FLNB: variants seen among roughly 807,000 people sequenced by gnomAD.
FLNB encodes filamin-B.
Under a neutral mutation model 250.6 loss-of-function variants are expected in FLNB, and 111 were observed. The observed-to-expected ratio is 0.44, with a 90% CI of 0.38 to 0.52. The LOEUF (loss-of-function observed/expected upper bound fraction) is 0.52, where lower values mean the gene tolerates loss of function less well. FLNB is among the 20% of genes least tolerant of loss of function. The pLI, the probability that FLNB is intolerant of heterozygous loss-of-function variation, is 0.00. For synonymous variants in FLNB, 1,302 were observed against 1,372.1 expected (o/e 0.95, Z 1.13); for missense variants, 2,869 against 3,447.8 (o/e 0.83, Z 4.20).
intron 4 of FLNB, among the ~76,000 whole-genome samples, chr3:58,089,347 C>G (rs1332754927): frequency 1.3e-5 from 2 of 152,004 alleles, no homozygotes; most frequent in South Asian, 4.1e-4. Context: ...GAATTCGATA[C>G]CAGCCTGACC....
At chr3:58,058,442 T>C (rs193284263) in intron 1 of FLNB, among the ~76,000 whole-genome samples, 76 of 145,630 alleles carry the variant, frequency 5.2e-4, no homozygotes, top group Admixed American at 9.3e-4. Flanking sequence ...ACAGACAACA[T>C]ATTGCTCTAA....
chr3:58,112,995 T>C (rs1352386787), intron 18 of FLNB, among the ~76,000 whole-genome samples: 1 of 152,230 alleles, frequency 6.6e-6, no homozygotes, highest in Admixed American at 6.5e-5. Context: ...TACAAGTTAA[T>C]GTTTATTTGT....
rs779336330 is a variant in FLNB, at chr3:58,098,899, G to T, written c.1336G>T (p.Val446Phe). 6.2e-7 allele frequency: 1 copy of T among 1,613,748 alleles called. No homozygotes were observed. The highest frequency in any genetic ancestry group is 1.7e-5 in the Admixed American group (1 of 60,000). The part of the protein sequence containing the change: ...TIPKSPFVVQ[V>F]GEACNPNACR... Reference sequence around the variant, plus strand: ...TCCTAAGAGTCCCTTCGTTGTGCAGGTTGGGGAAGGTGAGTGCTGGGCTGC... The same window carrying T: ...TCCTAAGAGTCCCTTCGTTGTGCAGTTTGGGGAAGGTGAGTGCTGGGCTGC... Residue 446 changes from valine (V) to phenylalanine (F), a missense_variant, in exon 8 of 46, where the codon GTT (valine) becomes TTT (phenylalanine). By Grantham distance (50) the Val-to-Phe change is conservative. Around this residue, in one of 5 missense-constraint regions of FLNB, gnomAD observed 1,348 missense variants for 1,466.7 expected, o/e 0.92. Transcript: ENST00000295956.
intron 43 of FLNB, chr3:58,163,722 A>G (rs1221376359): frequency 1.6e-5 from 4 of 246,738 alleles, no homozygotes; most frequent in Non-Finnish European, 3.2e-5. Context: ...CTGTTCTTTC[A>G]TGGTACCAGG....
intron 1 of FLNB, among the ~76,000 whole-genome samples, chr3:58,074,397 A>C (rs2097198814): frequency 6.6e-6 from 1 of 152,164 alleles, no homozygotes; most frequent in African/African-American, 2.4e-5. Context: ...AATACTGAGA[A>C]ATGAGCTGGG....
At chr3:58,134,826 G>T in intron 27 of FLNB, 54 bp downstream of exon 27, 1 of 1,541,612 alleles carries the variant, frequency 6.5e-7, no homozygotes, top group South Asian at 1.1e-5. Context: ...TTAATTTCTG[G>T]GCCAGATTTA....
intron 10 of FLNB, 113 bp downstream of exon 10, chr3:58,104,198 C>A: frequency 1.5e-4 from 103 of 666,318 alleles, no homozygotes; most frequent in Non-Finnish European, 2.2e-4. Flanking sequence ...TTGTTGAAAA[C>A]TTTTTTTTTT....
Position 58,149,917 on chromosome 3 carries a change from AG to A in FLNB, c.6160del (p.Asp2054MetfsTer34). On this transcript the variant is annotated frameshift_variant, in exon 37 of 46. Coordinates refer to ENST00000295956, the MANE Select transcript of FLNB (RefSeq NM_001457.4). LOFTEE classifies it high-confidence loss of function. ...TGGACATCCAGACGGAGGACCTGGAAGATGGCACCTGCAAAGTCTCCTACTT... is the reference window on the plus strand; with the variant it reads ...TGGACATCCAGACGGAGGACCTGGAAATGGCACCTGCAAAGTCTCCTACTT... ...KVDIQTEDLE[D>X]GTCKVSYFPT... 1 of 1,614,270 alleles carries A rather than the reference AG, an allele frequency of 6.2e-7. No individual in the cohort carries two copies. The highest frequency in any genetic ancestry group is 8.5e-7 in the Non-Finnish European group (1 of 1,180,048).
chr3:58,055,333 G>A (rs992697866), intron 1 of FLNB, among the ~76,000 whole-genome samples: 1 of 152,074 alleles, frequency 6.6e-6, no homozygotes, highest in African/African-American at 2.4e-5. Flanking sequence ...TAGATGGTAG[G>A]GTACGGTAGA....
chr3:58,097,157 C>T (rs546080874), intron 6 of FLNB, among the ~76,000 whole-genome samples: 1 of 152,318 alleles, frequency 6.6e-6, no homozygotes, highest in South Asian at 2.1e-4. Flanking sequence ...GGAATACAGA[C>T]TGTACTCACC....
intron 38 of FLNB, chr3:58,152,655 T>A (rs1189220284): frequency 3.2e-5 from 26 of 815,322 alleles, no homozygotes; most frequent in Non-Finnish European, 4.3e-5. Flanking sequence ...AAACATTCAG[T>A]TCATTACATG....
At chr3:58,070,575 G>C (rs2097192744) in intron 1 of FLNB, among the ~76,000 whole-genome samples, 1 of 151,928 alleles carries the variant, frequency 6.6e-6, no homozygotes. Context: ...ATGGCATCCT[G>C]TTCCCCAGAT....
At chr3:58,029,952 G>A (rs1258513466) in intron 1 of FLNB, among the ~76,000 whole-genome samples, 1 of 152,142 alleles carries the variant, frequency 6.6e-6, no homozygotes, top group Non-Finnish European at 1.5e-5. Context: ...TGAAACAGTG[G>A]GTGTGAAGAT....
intron 38 of FLNB, among the ~76,000 whole-genome samples, chr3:58,151,569 G>A (rs746272119): frequency 1.3e-5 from 2 of 152,086 alleles, no homozygotes; most frequent in Non-Finnish European, 2.9e-5. Flanking sequence ...TCACTTTCCA[G>A]TCACATTGGT....
chr3:58,111,456 T>C (rs1041558429), intron 16 of FLNB, among the ~76,000 whole-genome samples: 2 of 152,138 alleles, frequency 1.3e-5, no homozygotes, highest in Non-Finnish European at 2.9e-5. Flanking sequence ...GACATTTCCT[T>C]CCCCCAGCCC....
Position 58,016,435 on chromosome 3 carries a change from A to G in FLNB, c.292+7579A>G, listed in dbSNP as rs115667577. ...CTCACCTGTTGCTCCAGTCATTCCT[A>G]TTAGCAGAAAGTTTTGTATGTGCCC... On this transcript the variant is annotated intron_variant, in intron 1 of 45. Transcript: ENST00000295956. Among the ~76,000 whole-genome samples, 622 of 144,936 alleles carry G rather than the reference A, an allele frequency of 4.3e-3. 4 individuals are homozygous for G. Among genetic ancestry groups the G allele is most frequent in the African/African-American group, 0.014 (588 of 40,702 alleles).
intron 1 of FLNB, among the ~76,000 whole-genome samples, chr3:58,068,254 A>G (rs1304615296): frequency 6.6e-6 from 1 of 152,266 alleles, no homozygotes; most frequent in African/African-American, 2.4e-5. Flanking sequence ...GGCATCAGTT[A>G]TCAGGGCCTT....
At chr3:58,048,025 C>A (rs1421398004) in intron 1 of FLNB, among the ~76,000 whole-genome samples, 2 of 152,152 alleles carry the variant, frequency 1.3e-5, no homozygotes, top group Non-Finnish European at 2.9e-5. Flanking sequence ...TCACTGCATA[C>A]CCAAGAGGTT....
chr3:58,132,828 G>T lies in FLNB; in HGVS notation c.4411G>T (p.Val1471Leu), dbSNP rs12632456. 4.3e-6 allele frequency: 7 copies of T among 1,613,842 alleles called. No individual in the cohort carries two copies. Among genetic ancestry groups the T allele is most frequent in the Admixed American group, 1.7e-5 (1 of 59,998 alleles). ...GPRGLVEPVN[V>L]VDNGDGTHTV... ...CTCAGGCTTGGTGGAGCCAGTGAAC[G>T]TGGTGGACAATGGAGATGGCACACA... is the stretch of plus-strand genomic sequence containing the variant. Residue 1471 changes from valine to leucine, a missense_variant, in exon 26 of 46, where the codon GTG becomes TTG. Physicochemically the swap from Val to Leu is conservative, Grantham distance 32 (BLOSUM62 1). Coordinates refer to ENST00000295956, the MANE Select transcript of FLNB (RefSeq NM_001457.4).
Sources: gnomAD v4.1 joint callset for allele counts (sites outside exome capture counted in the v4.1 genomes callset) on GRCh38, gnomAD v4.1.1 for gene constraint, gnomAD v4.1.1 regional missense constraint, MANE v1.5 for transcripts, NCBI Gene and HGNC (gene_info 2026-07-23, HGNC 2026-07-21) for gene names.